CACNB2: variants seen among roughly 807,000 people sequenced by gnomAD.
The protein encoded by CACNB2 is calcium voltage-gated channel auxiliary subunit beta 2, also known as voltage-dependent L-type calcium channel subunit beta-2.
CACNB2 carries 42 observed loss-of-function variants against 73.3 expected under a neutral mutation model. The observed-to-expected ratio is 0.57, with a 90% confidence interval of 0.45 to 0.74. CACNB2 has a LOEUF of 0.74. CACNB2 is among the 30% of genes least tolerant of loss of function. The pLI is 0.00. For synonymous variants in CACNB2, 348 were observed against 310.3 expected (o/e 1.12, Z -1.28); for missense variants, 940 against 853.0 (o/e 1.10, Z -1.27).
intron 2 of CACNB2, among the ~76,000 whole-genome samples, chr10:18,201,207 A>G (rs1390948690): frequency 6.6e-6 from 1 of 151,776 alleles, no homozygotes; most frequent in African/African-American, 2.4e-5. Context: ...TTGGTTGTTC[A>G]TTAGAATTTT....
At chr10:18,366,844 G>A (rs2132259994) in intron 2 of CACNB2, among the ~76,000 whole-genome samples, 1 of 152,180 alleles carries the variant, frequency 6.6e-6, no homozygotes, top group South Asian at 2.1e-4. Flanking sequence ...CAGTTTGCCA[G>A]AGCATCATTT....
At chr10:18,520,238 A>G (rs2051717676) in intron 9 of CACNB2, among the ~76,000 whole-genome samples, 1 of 152,076 alleles carries the variant, frequency 6.6e-6, no homozygotes, top group Non-Finnish European at 1.5e-5. Context: ...TACTCCTCCC[A>G]TGGTCTTCCC....
Position 18,150,879 on chromosome 10 carries a change from T to C in CACNB2, c.121-4T>C. ...TCTTTTTTTTTTTTTTTTTTTTTTT[T>C]TAGTCATATGGAAAAGGAGCCAGAA... On this transcript the variant is annotated splice_region_variant and splice_polypyrimidine_tract_variant and intron_variant, in intron 1 of 13. Coordinates refer to ENST00000324631, the MANE Select transcript of CACNB2 (RefSeq NM_201596.3). The C allele has an allele frequency of 7.9e-7, 1 of 1,258,816 alleles. No individual in the cohort carries two copies. Among genetic ancestry groups the C allele is most frequent in the Non-Finnish European group, 1.1e-6 (1 of 915,184 alleles). 78.0% of individuals were successfully genotyped at this position (1,258,816 alleles called of 1,614,324 possible).
rs77411819 is a variant in CACNB2 at position 18,154,856 on chromosome 10, C to T, written c.213+3881C>T. 1.7e-3 allele frequency among the ~76,000 whole-genome samples: 265 copies of T among 152,282 alleles called. 3 individuals are homozygous for T. In the East Asian group the frequency reaches 0.045, roughly 26 times the overall value. On this transcript the variant is annotated intron_variant, in intron 2 of 13. Coordinates refer to ENST00000324631, the MANE Select transcript of CACNB2 (RefSeq NM_201596.3). ...AGGACACAGTGAGGAGGCAGCAGTC[C>T]GCAAGCTAAGGCGAGAGAGGCCTCA...
At chr10:18,171,794 C>A (rs182633349) in intron 2 of CACNB2, among the ~76,000 whole-genome samples, 1 of 151,962 alleles carries the variant, frequency 6.6e-6, no homozygotes, top group East Asian at 1.9e-4. Flanking sequence ...CCGGAGAAGT[C>A]AAATACAATA....
At chr10:18,255,864 C>G (rs529176411) in intron 2 of CACNB2, among the ~76,000 whole-genome samples, 178 of 152,316 alleles carry the variant, frequency 1.2e-3, no homozygotes, top group Middle Eastern at 6.8e-3. Flanking sequence ...ACCTTCAGTT[C>G]TGCTACAGAA....
chr10:18,355,318 G>C (rs947284083), intron 2 of CACNB2, among the ~76,000 whole-genome samples: 7 of 152,140 alleles, frequency 4.6e-5, no homozygotes, highest in African/African-American at 1.7e-4. Flanking sequence ...ATTACTTGTA[G>C]TTATTCTTTT....
At chr10:18,269,971 G>A (rs1033367971) in intron 2 of CACNB2, among the ~76,000 whole-genome samples, 7 of 152,074 alleles carry the variant, frequency 4.6e-5, no homozygotes, top group Non-Finnish European at 8.8e-5. Flanking sequence ...CTCCATCCTA[G>A]TGCAGGCTGT....
chr10:18,473,936 C>T (rs780888126), intron 3 of CACNB2, among the ~76,000 whole-genome samples: 4 of 152,276 alleles, frequency 2.6e-5, no homozygotes, highest in African/African-American at 7.2e-5. Context: ...CTCCCCGCCA[C>T]GCTGCTCTCT....
At chr10:18,402,093 C>T in intron 3 of CACNB2, 50 bp downstream of exon 3, 2 of 1,593,906 alleles carry the variant, frequency 1.3e-6, no homozygotes, top group South Asian at 1.1e-5. Context: ...TGCTGTGCCC[C>T]TGATAGACCA....
At chr10:18,461,206 G>A (rs980961313) in intron 3 of CACNB2, among the ~76,000 whole-genome samples, 27 of 152,192 alleles carry the variant, frequency 1.8e-4, no homozygotes, top group Non-Finnish European at 2.5e-4. Context: ...GAGCCACTGC[G>A]CCCTGCCTTT....
intron 7 of CACNB2, chr10:18,514,870 T>A: frequency 1.3e-6 from 1 of 779,494 alleles, no homozygotes; most frequent in Non-Finnish European, 2.2e-6. Context: ...ATCAAACATA[T>A]TAAAGCAGTT....
In CACNB2 at chr10:18,310,193, A is replaced by G. The variant is rs896509640; in HGVS notation, c.214-91731A>G. Among the ~76,000 whole-genome samples the G allele has an allele frequency of 5.2e-4, 79 of 152,202 alleles. 1 individual carries two copies. The highest frequency in any genetic ancestry group is 1.8e-3 in the African/African-American group (75 of 41,454). On this transcript the variant is annotated intron_variant, in intron 2 of 13. Coordinates refer to ENST00000324631, the MANE Select transcript of CACNB2 (RefSeq NM_201596.3). The stretch of plus-strand genomic sequence containing the variant: ...TTCTTTGAAATTCTAAAATTTGTCA[A>G]TTAAGATTGGGTTTCGTAGTTCTTA...
In CACNB2 at chr10:18,390,753, A is replaced by G. The variant is rs556514552; in HGVS notation, c.214-11171A>G. Among the ~76,000 whole-genome samples, 5 of 152,370 alleles carry G rather than the reference A, an allele frequency of 3.3e-5. No homozygotes were observed. The South Asian group carries it at 1.0e-3, about 32-fold the overall frequency. On this transcript the variant is annotated intron_variant, in intron 2 of 13. Coordinates refer to ENST00000324631, the MANE Select transcript of CACNB2 (RefSeq NM_201596.3). ...GGAATGTCAGGGGTAGTGCATAAGA[A>G]GTAAATCAACAGTCACTCACACAAT... is the stretch of plus-strand genomic sequence containing the variant.
intron 13 of CACNB2, 31 bp downstream of exon 13, chr10:18,538,396 T>C: frequency 1.3e-6 from 2 of 1,598,756 alleles, no homozygotes; most frequent in Non-Finnish European, 1.7e-6. Flanking sequence ...TATCTATATA[T>C]ACAATCTTCA....
chr10:18,483,873 C>G (rs192565324), intron 3 of CACNB2, among the ~76,000 whole-genome samples: 1 of 152,176 alleles, frequency 6.6e-6, no homozygotes, highest in African/African-American at 2.4e-5. Flanking sequence ...AGGGATACCA[C>G]TGTTGGAGTC....
chr10:18,450,250 G>T (rs2132601907), intron 3 of CACNB2, among the ~76,000 whole-genome samples: 2 of 152,262 alleles, frequency 1.3e-5, no homozygotes, highest in Middle Eastern at 6.8e-3. Flanking sequence ...AAATCACAGG[G>T]TTTGAGTTGA....
chr10:18,498,376 G>T lies in CACNB2; in HGVS notation c.355G>T (p.Val119Phe). The change falls in exon 4 of 14, where the codon GTT becomes TTT. Residue 119 changes from valine to phenylalanine, a missense_variant. Transcript: ENST00000324631. Reference sequence around the variant, plus strand: ...TTAGACAAAGCCCGTTGCATTTGCGGTTCGGACAAATGTCAGCTACAGTGC... The same window carrying T: ...TTAGACAAAGCCCGTTGCATTTGCGTTTCGGACAAATGTCAGCTACAGTGC... Reference protein sequence around the residue: ...KAKTKPVAFAVRTNVSYSAAH... With the variant: ...KAKTKPVAFAFRTNVSYSAAH... 1 of 1,614,110 alleles carries T rather than the reference G, an allele frequency of 6.2e-7. No homozygotes were observed. Among genetic ancestry groups the T allele is most frequent in the Non-Finnish European group, 8.5e-7 (1 of 1,179,984 alleles).
chr10:18,295,092 T>C (rs975702325), intron 2 of CACNB2, among the ~76,000 whole-genome samples: 5 of 152,208 alleles, frequency 3.3e-5, no homozygotes, highest in African/African-American at 1.2e-4. Flanking sequence ...TACAAATGAG[T>C]ATTATGGTGT....
Sources: allele counts gnomAD v4.1 joint callset (sites outside exome capture counted in the v4.1 genomes callset), GRCh38; gene constraint gnomAD v4.1.1; transcripts MANE v1.5; gene names NCBI Gene and HGNC (gene_info 2026-07-23, HGNC 2026-07-21).